Variants in NELL2 observed in about 807,000 individuals in gnomAD.
The protein encoded by NELL2 is protein kinase C-binding protein NELL2.
NELL2 carries 41 observed loss-of-function variants against 109.6 expected under a neutral mutation model. The ratio of observed to expected loss-of-function variants is 0.37; its 90% confidence interval spans 0.29 to 0.49. The LOEUF (loss-of-function observed/expected upper bound fraction) is 0.49. NELL2 is among the 20% of genes least tolerant of loss of function. The pLI is 0.98. For missense variants in NELL2, 900 were observed against 1,008.3 expected, an observed-to-expected ratio of 0.89 and a Z score of 1.45; for synonymous variants, 355 against 344.7, an observed-to-expected ratio of 1.03 and a Z score of -0.33.
intron 2 of NELL2, among the ~76,000 whole-genome samples, chr12:44,824,464 T>C (rs1471136901): frequency 6.6e-6 from 1 of 152,128 alleles, no homozygotes; most frequent in Non-Finnish European, 1.5e-5. Context: ...TTCTTATGCA[T>C]GTGGATATCC....
chr12:44,521,194 C>T (rs1401313935), intron 18 of NELL2, among the ~76,000 whole-genome samples: 1 of 152,106 alleles, frequency 6.6e-6, no homozygotes, highest in Non-Finnish European at 1.5e-5. Flanking sequence ...TAGAGAAATT[C>T]AATTCTAATA....
intron 12 of NELL2, among the ~76,000 whole-genome samples, chr12:44,681,021 A>T (rs1948478571): frequency 6.6e-6 from 1 of 151,642 alleles, no homozygotes; most frequent in African/African-American, 2.4e-5. Flanking sequence ...CTTTTTTTTT[A>T]AGAACCAAAT....
chr12:44,603,697 A>C (rs969499717), intron 15 of NELL2, among the ~76,000 whole-genome samples: 4 of 152,176 alleles, frequency 2.6e-5, no homozygotes, highest in African/African-American at 9.6e-5. Flanking sequence ...AATTTCGCTC[A>C]GTAAAAATCA....
intron 14 of NELL2, among the ~76,000 whole-genome samples, chr12:44,608,090 A>G (rs927900497): frequency 6.6e-6 from 1 of 152,100 alleles, no homozygotes; most frequent in Non-Finnish European, 1.5e-5. Context: ...AGCCCCCTTT[A>G]GAAGCTTTTA....
At chr12:44,553,552 T>C (rs980482894) in intron 15 of NELL2, among the ~76,000 whole-genome samples, 1 of 152,152 alleles carries the variant, frequency 6.6e-6, no homozygotes, top group Non-Finnish European at 1.5e-5. Flanking sequence ...CAGTAAATTT[T>C]AAAAAGGTCA....
At chr12:44,786,815 G>A (rs1430231916) in intron 3 of NELL2, among the ~76,000 whole-genome samples, 1 of 152,148 alleles carries the variant, frequency 6.6e-6, no homozygotes, top group African/African-American at 2.4e-5. Context: ...TCATAAGTGG[G>A]AGTTGAACAA....
chr12:44,904,077 T>C (rs2136884459), intron 1 of NELL2, among the ~76,000 whole-genome samples: 1 of 151,982 alleles, frequency 6.6e-6, no homozygotes, highest in East Asian at 1.9e-4. Flanking sequence ...AAACTTAGAA[T>C]CTTTAAAATC....
intron 12 of NELL2, among the ~76,000 whole-genome samples, chr12:44,666,440 G>T (rs1470415615): frequency 6.6e-6 from 1 of 152,154 alleles, no homozygotes; most frequent in Non-Finnish European, 1.5e-5. Flanking sequence ...CCATCCAGAA[G>T]TCTGCATTCT....
intron 13 of NELL2, among the ~76,000 whole-genome samples, chr12:44,642,347 GA>G (rs1198211693): frequency 1.3e-4 from 19 of 151,324 alleles, no homozygotes; most frequent in Admixed American, 1.1e-3. Context: ...TTCACAAAAG[GA>G]AAAAAAAGTC....
At chr12:44,716,265 T>C (rs1472626533) in intron 9 of NELL2, among the ~76,000 whole-genome samples, 1 of 152,174 alleles carries the variant, frequency 6.6e-6, no homozygotes, top group African/African-American at 2.4e-5. Context: ...TAAAATGTCA[T>C]CCTCCAACTG....
chr12:44,744,987 A>T (rs982122726), intron 9 of NELL2, among the ~76,000 whole-genome samples: 1 of 152,220 alleles, frequency 6.6e-6, no homozygotes, highest in Non-Finnish European at 1.5e-5. Flanking sequence ...AAAGCCTGGC[A>T]GAGACACAAC....
intron 1 of NELL2, among the ~76,000 whole-genome samples, chr12:44,908,523 G>A (rs1410479075): frequency 6.6e-6 from 1 of 151,914 alleles, no homozygotes; most frequent in African/African-American, 2.4e-5. Flanking sequence ...GATGAGTGAG[G>A]AAGAATGGAA....
chr12:44,816,167 A>G, intron 2 of NELL2, 31 bp from the exon 3 acceptor site: 1 of 1,530,588 alleles, frequency 6.5e-7, no homozygotes, highest in South Asian at 1.2e-5. Context: ...TACTAAGAAT[A>G]GTAGAATTTG....
At chr12:44,726,393 A>G (rs1181135845) in intron 9 of NELL2, among the ~76,000 whole-genome samples, 3 of 152,136 alleles carry the variant, frequency 2.0e-5, no homozygotes, top group African/African-American at 7.2e-5. Flanking sequence ...TGTGTTGCCT[A>G]AAGTGGGTGA....
At chr12:44,597,275 T>TA (rs1555182892) in intron 15 of NELL2, among the ~76,000 whole-genome samples, 2 of 152,126 alleles carry the variant, frequency 1.3e-5, no homozygotes, top group African/African-American at 2.4e-5. Context: ...TCTTATTTTT[T>TA]AAAAAAATAT....
intron 3 of NELL2, among the ~76,000 whole-genome samples, chr12:44,804,949 C>T (rs543164389): frequency 6.6e-6 from 1 of 151,936 alleles, no homozygotes; most frequent in Non-Finnish European, 1.5e-5. Flanking sequence ...AAACAAAATC[C>T]ATTTTTCTAG....
chr12:44,604,839 G>A (rs961805696), intron 15 of NELL2, among the ~76,000 whole-genome samples: 12 of 152,072 alleles, frequency 7.9e-5, no homozygotes, highest in Admixed American at 2.6e-4. Flanking sequence ...TGTGGATACT[G>A]GACTAGCCAG....
intron 12 of NELL2, among the ~76,000 whole-genome samples, chr12:44,671,106 T>A (rs1480667960): frequency 6.6e-6 from 1 of 152,298 alleles, no homozygotes; most frequent in Non-Finnish European, 1.5e-5. Flanking sequence ...CAGAACACAA[T>A]GGAATTAAAC....
intron 12 of NELL2, among the ~76,000 whole-genome samples, chr12:44,695,034 T>C (rs1592351139): frequency 2.0e-5 from 2 of 99,546 alleles, no homozygotes; most frequent in African/African-American, 8.0e-5. Flanking sequence ...AAGGAAAAAA[T>C]GAAGGAAGGA....
Sources: allele counts gnomAD v4.1 joint callset (sites outside exome capture counted in the v4.1 genomes callset), GRCh38; gene constraint gnomAD v4.1.1; transcripts MANE v1.5; gene names NCBI Gene and HGNC (gene_info 2026-07-23, HGNC 2026-07-21).